The following IL1RAPL1 variants were observed in gnomAD, a reference collection of about 807,000 sequenced individuals.
The protein encoded by IL1RAPL1 is interleukin-1 receptor accessory protein-like 1.
A neutral mutation model predicts 48.4 loss-of-function variants in IL1RAPL1; 3 were observed. The observed-to-expected ratio is 0.06, with a 90% CI of 0.03 to 0.16. The LOEUF is 0.16. Ranked by LOEUF, IL1RAPL1 falls within the 10% of genes least tolerant of loss-of-function variation. The pLI is 1.00. For synonymous variants in IL1RAPL1, 185 were observed against 187.7 expected, an observed-to-expected ratio of 0.99 and a Z score of 0.12; for missense variants, 349 against 530.6, an observed-to-expected ratio of 0.66 and a Z score of 3.36.
At chrX:29,593,327 T>C (rs191781846) in intron 5 of IL1RAPL1, among the ~76,000 whole-genome samples, 7 of 111,955 alleles carry the variant, frequency 6.3e-5, no homozygotes, top group Middle Eastern at 4.6e-3. Context: ...ACCAGGTTCG[T>C]GGTGGAAACC....
intron 2 of IL1RAPL1, among the ~76,000 whole-genome samples, chrX:28,931,337 CT>C (rs1229142960): frequency 8.9e-6 from 1 of 111,844 alleles, no homozygotes; most frequent in Non-Finnish European, 1.9e-5. Flanking sequence ...CTAGTAAATG[CT>C]TTGTATGAAA....
chrX:29,156,055 C>T (rs1401966102), intron 2 of IL1RAPL1, among the ~76,000 whole-genome samples: 1 of 110,944 alleles, frequency 9.0e-6, no homozygotes, highest in East Asian at 2.8e-4. Context: ...ACCCTCTTGA[C>T]ACTATTTCAA....
intron 6 of IL1RAPL1, among the ~76,000 whole-genome samples, chrX:29,873,544 C>G (rs1223548989): frequency 9.0e-6 from 1 of 111,711 alleles, no homozygotes; most frequent in African/African-American, 3.3e-5. Context: ...TGTGATGACA[C>G]AGCAAAAAGT....
intron 5 of IL1RAPL1, among the ~76,000 whole-genome samples, chrX:29,613,691 T>C (rs1199850011): frequency 2.0e-5 from 2 of 102,195 alleles, no homozygotes; most frequent in Non-Finnish European, 3.9e-5. Context: ...GTAGGACAAA[T>C]GGGAGAAGCT....
At chrX:28,850,838 T>G (rs1397994350) in intron 2 of IL1RAPL1, among the ~76,000 whole-genome samples, 2 of 108,169 alleles carry the variant, frequency 1.8e-5, no homozygotes, top group Admixed American at 2.0e-4. Flanking sequence ...CTATGGTTTT[T>G]TTTTTTTTTT....
chrX:28,951,467 A>G (rs1173157765), intron 2 of IL1RAPL1, among the ~76,000 whole-genome samples: 3 of 110,073 alleles, frequency 2.7e-5, no homozygotes, highest in Non-Finnish European at 5.7e-5. Flanking sequence ...TGTGCCATAG[A>G]AAATTGTTTT....
At chrX:28,846,028 A>C (rs1238293030) in intron 2 of IL1RAPL1, among the ~76,000 whole-genome samples, 1 of 111,974 alleles carries the variant, frequency 8.9e-6, no homozygotes, top group Non-Finnish European at 1.9e-5. Flanking sequence ...CCACCATTAT[A>C]GTATCATATG....
intron 1 of IL1RAPL1, among the ~76,000 whole-genome samples, chrX:28,656,935 A>C (rs1437758614): frequency 9.4e-6 from 1 of 106,652 alleles, no homozygotes; most frequent in Non-Finnish European, 1.9e-5. Flanking sequence ...CTGAGGCAGG[A>C]GAATGGCATG....
At chrX:28,647,715 T>C (rs1934630332) in intron 1 of IL1RAPL1, among the ~76,000 whole-genome samples, 1 of 111,862 alleles carries the variant, frequency 8.9e-6, no homozygotes, top group Admixed American at 9.5e-5. Context: ...GTGGGTACTG[T>C]GAGACAATGG....
At chrX:28,611,441 G>A (rs899311648) in intron 1 of IL1RAPL1, among the ~76,000 whole-genome samples, 2 of 112,085 alleles carry the variant, frequency 1.8e-5, no homozygotes, top group African/African-American at 6.5e-5. Flanking sequence ...TTCAAATTTT[G>A]AGGATAAAGG....
intron 1 of IL1RAPL1, among the ~76,000 whole-genome samples, chrX:28,652,740 G>A (rs757529241): frequency 9.0e-6 from 1 of 110,588 alleles, no homozygotes; most frequent in Admixed American, 9.7e-5. Flanking sequence ...CACAACAGTA[G>A]CAGGATTCAG....
intron 2 of IL1RAPL1, among the ~76,000 whole-genome samples, chrX:28,975,712 T>C (rs756820398): frequency 2.7e-5 from 3 of 112,157 alleles, no homozygotes; most frequent in Non-Finnish European, 5.6e-5. Context: ...TAAAGAGATA[T>C]ACAGTAAGTA....
chrX:29,749,380 T>C (rs1325352762), intron 6 of IL1RAPL1, among the ~76,000 whole-genome samples: 1 of 112,414 alleles, frequency 8.9e-6, no homozygotes, highest in African/African-American at 3.2e-5. Flanking sequence ...CCATCTATTC[T>C]AAATATTCTT....
chrX:29,027,774 C>T (rs764468439), intron 2 of IL1RAPL1, among the ~76,000 whole-genome samples: 1 of 111,323 alleles, frequency 9.0e-6, no homozygotes, highest in Non-Finnish European at 1.9e-5. Context: ...TTAATTTGCA[C>T]TTCTCTGATG....
intron 9 of IL1RAPL1, among the ~76,000 whole-genome samples, chrX:29,948,758 T>C (rs1933258536): frequency 9.1e-6 from 1 of 109,755 alleles, no homozygotes; most frequent in South Asian, 4.0e-4. Context: ...CCAGTTTCAT[T>C]TTAGGAATCC....
intron 2 of IL1RAPL1, among the ~76,000 whole-genome samples, chrX:29,224,941 C>T (rs1488929965): frequency 1.8e-5 from 2 of 111,864 alleles, no homozygotes; most frequent in African/African-American, 6.5e-5. Flanking sequence ...CACAGAAAAT[C>T]AGAATGGTGT....
At chrX:29,881,730 A>AT (rs1256472723) in intron 6 of IL1RAPL1, among the ~76,000 whole-genome samples, 2 of 111,426 alleles carry the variant, frequency 1.8e-5, no homozygotes, top group African/African-American at 6.5e-5. Flanking sequence ...ATTTTAAGTT[A>AT]TTTTTTACCT....
rs770803950 is a variant in IL1RAPL1, at chrX:28,749,957, A to ATT, written c.-24-39351_-24-39350dup. Among the ~76,000 whole-genome samples the ATT allele has an allele frequency of 7.5e-4, 76 of 101,430 alleles. 1 individual carries two copies. The highest frequency in any genetic ancestry group is 3.4e-3 in the East Asian group (11 of 3,250). The allele number at this position is 101,430 out of a possible 115,157, so 88.1% of individuals were successfully genotyped here. On this transcript the variant is annotated intron_variant, in intron 1 of 10. Transcript: ENST00000378993. The stretch of plus-strand genomic sequence containing the variant: ...AAAAAGAAAATTAATCACTTTCTAC[A>ATT]TTTTTTTTTTTTTGAGATGGAGTCT...
chrX:29,874,725 C>T (rs767906003), intron 6 of IL1RAPL1, among the ~76,000 whole-genome samples: 15 of 112,310 alleles, frequency 1.3e-4, no homozygotes, highest in African/African-American at 4.8e-4. Flanking sequence ...CAGTAGAGTC[C>T]GTGACTTCAT....
Sources: gnomAD v4.1 joint callset for allele counts (sites outside exome capture counted in the v4.1 genomes callset) on GRCh38, gnomAD v4.1.1 for gene constraint, MANE v1.5 for transcripts, NCBI Gene and HGNC (gene_info 2026-07-23, HGNC 2026-07-21) for gene names.